The following CAMTA1 variants were observed in gnomAD, a reference collection of about 807,000 sequenced individuals.
CAMTA1 encodes calmodulin binding transcription activator 1, also known as calmodulin-binding transcription activator 1.
A neutral mutation model predicts 170.9 loss-of-function variants in CAMTA1; 27 were observed. The observed-to-expected ratio is 0.16, with a 90% CI of 0.12 to 0.22. The LOEUF is 0.22. Among genes scored for constraint, CAMTA1 ranks in the 10% least tolerant of loss-of-function variants. CAMTA1 has a pLI of 1.00. For missense variants in CAMTA1, 1,619 were observed against 2,217.2 expected, an observed-to-expected ratio of 0.73 and a Z score of 5.42; for synonymous variants, 833 against 891.5, an observed-to-expected ratio of 0.93 and a Z score of 1.17.
intron 1 of CAMTA1, among the ~76,000 whole-genome samples, chr1:6,785,805 CGGGGGCGGGCTGGGGCCGGA>C (rs1476929547): frequency 9.7e-5 from 1 of 10,352 alleles, no homozygotes; most frequent in Non-Finnish European, 2.0e-4. Context: ...ACCCCACCCC[CGGGGGCGGGCTGGGGCCGGA>C]GGGGGCGGGG....
chr1:6,971,045 C>T lies in CAMTA1; in HGVS notation c.235-120259C>T, dbSNP rs544524334. ...TCCTTCCTTCTCAGGGCTTTGGAAG[C>T]CCCTCTTCTTTCCAAAGGGGCTTGG... On this transcript the variant is annotated intron_variant, in intron 3 of 22. Transcript: ENST00000303635. The surrounding 1 kb of genome is among the most constrained non-coding windows in gnomAD (Gnocchi z 4.6). 6.6e-6 allele frequency among the ~76,000 whole-genome samples: 1 copy of T among 152,326 alleles called. No individual in the cohort carries two copies. Among genetic ancestry groups the T allele is most frequent in the South Asian group, 2.1e-4 (1 of 4,828 alleles).
At chr1:7,502,775 C>A (rs1193433388) in intron 6 of CAMTA1, among the ~76,000 whole-genome samples, 4 of 152,212 alleles carry the variant, frequency 2.6e-5, no homozygotes, top group Non-Finnish European at 5.9e-5. Flanking sequence ...TAGAAATGGC[C>A]TCGCTGGGCT....
intron 3 of CAMTA1, among the ~76,000 whole-genome samples, chr1:6,946,369 A>AT (rs1304217941): frequency 6.6e-6 from 1 of 151,858 alleles, no homozygotes; most frequent in Non-Finnish European, 1.5e-5. Flanking sequence ...TTTTTAAAAG[A>AT]TTTTTTTAGA....
intron 5 of CAMTA1, among the ~76,000 whole-genome samples, chr1:7,326,306 G>C (rs780537617): frequency 5.9e-5 from 9 of 152,242 alleles, no homozygotes; most frequent in Admixed American, 3.3e-4. Flanking sequence ...CCTTACAGCA[G>C]TTGAGGAGAA....
chr1:6,961,671 G>A (rs1019937638), intron 3 of CAMTA1, among the ~76,000 whole-genome samples: 35 of 152,206 alleles, frequency 2.3e-4, no homozygotes, highest in Non-Finnish European at 2.1e-4. Context: ...ACCTTTCTTA[G>A]GTTTTTAACA....
chr1:6,809,730 G>A (rs1240462441), intron 1 of CAMTA1, among the ~76,000 whole-genome samples: 1 of 152,118 alleles, frequency 6.6e-6, no homozygotes, highest in Non-Finnish European at 1.5e-5. Context: ...CCAGAGGGGA[G>A]AGAACCAGTA....
rs184929504 is a variant in CAMTA1, at chr1:6,992,347, C to T, written c.235-98957C>T. On this transcript the variant is annotated intron_variant, in intron 3 of 22. Coordinates refer to ENST00000303635, the MANE Select transcript of CAMTA1 (RefSeq NM_015215.4). ...TCAGCCTCCCAAAGTGCTGGGATTA[C>T]AGGCATAAGCCACTGTGCCCAGCCT... Among the ~76,000 whole-genome samples the T allele has an allele frequency of 2.8e-3, 421 of 152,332 alleles. 5 individuals carry two copies. Among genetic ancestry groups the T allele is most frequent in the Non-Finnish European group, 4.3e-3 (294 of 68,020 alleles).
chr1:7,484,506 G>A (rs946393948), intron 6 of CAMTA1, among the ~76,000 whole-genome samples: 47 of 152,116 alleles, frequency 3.1e-4, no homozygotes, highest in African/African-American at 9.9e-4. Context: ...GATAACAATC[G>A]TGGCCGGGCA....
intron 7 of CAMTA1, among the ~76,000 whole-genome samples, chr1:7,658,277 C>T (rs142419130): frequency 1.3e-5 from 2 of 152,360 alleles, no homozygotes; most frequent in Non-Finnish European, 2.9e-5. Context: ...GGGCTTTCTG[C>T]TCTTGGACTT....
chr1:7,238,723 A>G (rs1473115213), intron 4 of CAMTA1, among the ~76,000 whole-genome samples: 1 of 152,176 alleles, frequency 6.6e-6, no homozygotes, highest in African/African-American at 2.4e-5. Context: ...GTCTCTACTA[A>G]AAATACAAAA....
At chr1:7,648,204 A>C (rs2095822788) in intron 7 of CAMTA1, among the ~76,000 whole-genome samples, 1 of 152,068 alleles carries the variant, frequency 6.6e-6, no homozygotes, top group Non-Finnish European at 1.5e-5. Context: ...GACCAGCCTG[A>C]CCATGTGGTG....
At chr1:7,601,548 G>A (rs2095442943) in intron 6 of CAMTA1, among the ~76,000 whole-genome samples, 1 of 152,242 alleles carries the variant, frequency 6.6e-6, no homozygotes, top group Non-Finnish European at 1.5e-5. Flanking sequence ...TGGCGGCCGG[G>A]CAGAGGCTGC....
intron 3 of CAMTA1, among the ~76,000 whole-genome samples, chr1:6,894,626 T>C (rs1323426998): frequency 1.3e-5 from 2 of 152,234 alleles, no homozygotes; most frequent in Non-Finnish European, 2.9e-5. Flanking sequence ...AGTTTTTTAA[T>C]CTTCTGATTT....
intron 4 of CAMTA1, among the ~76,000 whole-genome samples, chr1:7,235,252 G>C (rs1453758735): frequency 6.6e-6 from 1 of 152,120 alleles, no homozygotes; most frequent in Non-Finnish European, 1.5e-5. Context: ...AGCCTTCCTA[G>C]GGTTATAGCG....
At chr1:6,889,506 G>A (rs1236862837) in intron 3 of CAMTA1, among the ~76,000 whole-genome samples, 1 of 152,234 alleles carries the variant, frequency 6.6e-6, no homozygotes, top group Non-Finnish European at 1.5e-5. Flanking sequence ...TAAGTGGGAT[G>A]TGCTTAGAAC....
At chr1:7,766,391 C>T (rs1159732704) in intron 22 of CAMTA1, 68 bp from the exon 23 acceptor site, 2 of 1,508,652 alleles carry the variant, frequency 1.3e-6, no homozygotes, top group Non-Finnish European at 9.2e-7. Flanking sequence ...GGTAATACCC[C>T]TTTCCTTTAC....
At chr1:7,142,325 G>A (rs947912058) in intron 4 of CAMTA1, among the ~76,000 whole-genome samples, 1 of 152,094 alleles carries the variant, frequency 6.6e-6, no homozygotes, top group Non-Finnish European at 1.5e-5. Flanking sequence ...TTTTTCCTCT[G>A]TGCTGGAACC....
At position 7,756,046 on chromosome 1, in the gene CAMTA1, T is replaced by A. The variant is rs142549765; in HGVS notation, c.4989+378T>A. ...AGTGGCTTTTTGTGATTAAGATAAT[T>A]TGCCACATGAAATTTTCTCAACGAT... is the stretch of plus-strand genomic sequence containing the variant. On this transcript the variant is annotated intron_variant, in intron 22 of 22. Coordinates refer to ENST00000303635, the MANE Select transcript of CAMTA1 (RefSeq NM_015215.4). 8.6e-3 allele frequency among the ~76,000 whole-genome samples: 1,304 copies of A among 152,226 alleles called. 14 individuals are homozygous for A. The highest frequency in any genetic ancestry group is 0.029 in the African/African-American group (1,204 of 41,532).
intron 3 of CAMTA1, among the ~76,000 whole-genome samples, chr1:6,968,944 A>G (rs1242414667): frequency 1.3e-5 from 2 of 152,106 alleles, no homozygotes; most frequent in Admixed American, 1.3e-4. Context: ...CTGCAGAGGC[A>G]CGGGGCGAGG....
Sources: allele counts gnomAD v4.1 joint callset (sites outside exome capture counted in the v4.1 genomes callset), GRCh38; gene constraint gnomAD v4.1.1; non-coding constraint Gnocchi (gnomAD v3.1); transcripts MANE v1.5; gene names NCBI Gene and HGNC (gene_info 2026-07-23, HGNC 2026-07-21).